The following PACSIN3 variants were observed in gnomAD, a reference collection of about 807,000 sequenced individuals.
PACSIN3 encodes the protein protein kinase C and casein kinase substrate in neurons 3.
A neutral mutation model predicts 56.1 loss-of-function variants in PACSIN3; 34 were observed. The observed-to-expected ratio is 0.61, with a 90% CI of 0.46 to 0.81. PACSIN3 has a LOEUF of 0.81. PACSIN3 is among the 30% of genes least tolerant of loss of function. The probability of loss-of-function intolerance (pLI) is 0.00; values close to 1 mark genes in which losing one functional copy is unlikely to be tolerated. For synonymous variants in PACSIN3, 218 were observed against 229.8 expected, an observed-to-expected ratio of 0.95 and a Z score of 0.46; for missense variants, 535 against 592.4, an observed-to-expected ratio of 0.90 and a Z score of 1.01.
Position 47,180,109 on chromosome 11 carries a change from A to T in PACSIN3, c.603+77T>A, listed in dbSNP as rs908437346. On this transcript the variant is annotated intron_variant, in intron 6 of 10. Transcript: ENST00000298838. ...GTAATAAGGGTGCTGGGGACTGGAC[A>T]AGATGTTCAGGGAGCAAGATTCATT... The T allele has an allele frequency of 3.6e-6, 5 of 1,370,276 alleles. No individual in the cohort carries two copies. The Admixed American group carries it at 5.2e-5, about 14-fold the overall frequency. 84.9% of individuals were successfully genotyped at this position (1,370,276 alleles called of 1,614,324 possible). A position where few individuals can be genotyped will look rare whatever the true frequency, so the allele number is the denominator to read the frequency against.
At position 47,182,693 on chromosome 11, in the gene PACSIN3, A is replaced by G; in HGVS notation, c.35T>C (p.Leu12Ser). The G allele has an allele frequency of 6.2e-7, 1 of 1,612,580 alleles. No homozygotes were observed. Among genetic ancestry groups the G allele is most frequent in the Non-Finnish European group, 8.5e-7 (1 of 1,179,266 alleles). The change falls in exon 3 of 11, where the codon TTA becomes TCA. Residue 12 changes from leucine to serine, a missense_variant. By Grantham distance (145) the Leu-to-Ser change is moderately radical (BLOSUM62 -2). Transcript: ENST00000298838. ...GCTCACCTCCCAGAAACTGCCCCCT[A>G]AGGCCTCCCCTCCAGCGTCCTCTTC... ...APEEDAGGEA[L>S]GGSFWEAGNY... is the part of the protein sequence containing the mutation.
Position 47,178,911 on chromosome 11 carries a change from C to G in PACSIN3, c.1020G>C (p.Gln340His). The G allele has an allele frequency of 6.2e-7, 1 of 1,613,942 alleles. No individual in the cohort carries two copies. Among genetic ancestry groups the G allele is most frequent in the Non-Finnish European group, 8.5e-7 (1 of 1,180,014 alleles). Residue 340 changes from glutamine to histidine, a missense_variant, in exon 9 of 11, where the codon CAG becomes CAC. By Grantham distance (24) the Gln-to-His change is conservative. Coordinates refer to ENST00000298838, the MANE Select transcript of PACSIN3 (RefSeq NM_016223.5). This position sits in a 1 kb window ranked among gnomAD's most constrained non-coding sequence, Gnocchi z 4.2. ...GCTCTCACCCTGGGGACCCCGGGGA[C>G]TGGGGTGGGGGTGCGGTGCCATCTC... ...PTRDGTAPPP[Q>H]SPGSPGTGQD...
rs761611946 is a variant in PACSIN3 at position 47,177,697 on chromosome 11, C to G, written c.*234G>C. The G allele has an allele frequency of 1.8e-6, 1 of 553,392 alleles. No homozygotes were observed. The highest frequency in any genetic ancestry group is 3.1e-5 in the East Asian group (1 of 32,370). The allele number at this position is 553,392 out of a possible 1,614,324, so 34.3% of individuals were successfully genotyped here. ...CTGGGGAGGCCCAGGCACCCCTGAA[C>G]GCTTCTGTCACCTCTGACCTCCCAT... On this transcript the variant is annotated 3_prime_UTR_variant, in exon 11 of 11. Coordinates refer to ENST00000298838, the MANE Select transcript of PACSIN3 (RefSeq NM_016223.5).
chr11:47,178,074 A>G lies in PACSIN3; in HGVS notation c.1160-28T>C. On this transcript the variant is annotated intron_variant, in intron 10 of 10. Transcript: ENST00000298838. The surrounding 1 kb of genome is among the most constrained non-coding windows in gnomAD (Gnocchi z 4.2). ...GGGGGAAAGGGGATTGGTCACTGCC[A>G]GTGGCCCTGGCCCAGGCCCTGTTCC... 6.3e-7 allele frequency: 1 copy of G among 1,585,256 alleles called. No individual in the cohort carries two copies. The highest frequency in any genetic ancestry group is 8.6e-7 in the Non-Finnish European group (1 of 1,156,214).
In PACSIN3 at chr11:47,177,547, T is replaced by TGC. The variant is rs1952901614; in HGVS notation, c.*383_*384insGC. 1.4e-5 allele frequency: 3 copies of TGC among 217,184 alleles called. No individual in the cohort carries two copies. Among genetic ancestry groups the TGC allele is most frequent in the Non-Finnish European group, 2.7e-5 (3 of 109,870 alleles). The allele number at this position is 217,184 out of a possible 1,614,324, so 13.5% of individuals were successfully genotyped here. A position where few individuals can be genotyped will look rare whatever the true frequency, so the allele number is the denominator to read the frequency against. ...TGGTGTTTTTGTTTTTGTGTGTGGGTGTGTGTCAAGTTTTAATACACGCTA... is the reference window on the plus strand; with the variant it reads ...TGGTGTTTTTGTTTTTGTGTGTGGGTGCGTGTGTCAAGTTTTAATACACGCTA... On this transcript the variant is annotated 3_prime_UTR_variant, in exon 11 of 11. Coordinates refer to ENST00000298838, the MANE Select transcript of PACSIN3 (RefSeq NM_016223.5).
At chr11:47,181,502 T>C (rs1953023488) in intron 4 of PACSIN3, among the ~76,000 whole-genome samples, 1 of 151,838 alleles carries the variant, frequency 6.6e-6, no homozygotes, top group African/African-American at 2.4e-5. Context: ...AGAAAATGCA[T>C]AAAACAGGCC....
In PACSIN3 at chr11:47,182,763, G is replaced by A. The variant is rs568596069; in HGVS notation, c.-36C>T. 4.4e-6 allele frequency: 7 copies of A among 1,589,790 alleles called. No individual in the cohort carries two copies. Among genetic ancestry groups the A allele is most frequent in the Middle Eastern group, 1.7e-4 (1 of 5,898 alleles). On this transcript the variant is annotated splice_region_variant and 5_prime_UTR_variant, in exon 3 of 11. Coordinates refer to ENST00000298838, the MANE Select transcript of PACSIN3 (RefSeq NM_016223.5). ...CAGCACGGAATGGTGGCGGATTTGG[G>A]GCTGTGGAGGGCAGAGGGGTAAGCA...
Position 47,179,156 on chromosome 11 carries a change from T to C in PACSIN3, c.900+3A>G, listed in dbSNP as rs1952962879. On this transcript the variant is annotated splice_donor_region_variant and intron_variant, in intron 8 of 10. Transcript: ENST00000298838. This position sits in a 1 kb window ranked among gnomAD's most constrained non-coding sequence, Gnocchi z 4.4. ...CCATCCCCACCCCGCCTGGAACACA[T>C]GCCTCGAACTGTGGCCAGTTCATGG... The C allele has an allele frequency of 6.2e-7, 1 of 1,613,440 alleles. No individual in the cohort carries two copies. The highest frequency in any genetic ancestry group is 1.3e-5 in the African/African-American group (1 of 74,926).
chr11:47,181,960 C>G (rs1052171027), intron 4 of PACSIN3, among the ~76,000 whole-genome samples: 1 of 152,030 alleles, frequency 6.6e-6, no homozygotes, highest in African/African-American at 2.4e-5. Context: ...TGAGACCAGC[C>G]TGGCCAACAT....
chr11:47,181,089 T>C (rs951902392), intron 4 of PACSIN3, among the ~76,000 whole-genome samples: 3 of 151,790 alleles, frequency 2.0e-5, no homozygotes, highest in African/African-American at 4.9e-5. Flanking sequence ...GGTGAAACCC[T>C]GTCTCTACTA....
Position 47,186,400 on chromosome 11 carries a change from C to T in PACSIN3, c.-155G>A, listed in dbSNP as rs1475467773. 1.3e-5 allele frequency: 2 copies of T among 151,128 alleles called. No homozygotes were observed. The highest frequency in any genetic ancestry group is 2.1e-4 in the South Asian group (1 of 4,830). 9.4% of individuals were successfully genotyped at this position (151,128 alleles called of 1,614,324 possible). On this transcript the variant is annotated 5_prime_UTR_variant, in exon 1 of 11. Transcript: ENST00000298838. This position sits in a 1 kb window ranked among gnomAD's most constrained non-coding sequence, Gnocchi z 4.5. Reference sequence around the variant, plus strand: ...GTGGGGGTCCGGCCACGCTCCGGCCCGAGTCCTGCCGCTCCTGGGCCCGCG... The same window carrying T: ...GTGGGGGTCCGGCCACGCTCCGGCCTGAGTCCTGCCGCTCCTGGGCCCGCG...
Position 47,179,852 on chromosome 11 carries a change from G to A in PACSIN3, c.604-266C>T, listed in dbSNP as rs1952982056. On this transcript the variant is annotated intron_variant, in intron 6 of 10. Transcript: ENST00000298838. The surrounding 1 kb of genome is among the most constrained non-coding windows in gnomAD (Gnocchi z 4.4). Reference sequence around the variant, plus strand: ...GGGAGAAATCAGAAAAGGCTTCCTGGAGGAGGTGGAAACTGCAGCATCTCA... The same window carrying A: ...GGGAGAAATCAGAAAAGGCTTCCTGAAGGAGGTGGAAACTGCAGCATCTCA... 2 of 561,394 alleles carry A rather than the reference G, an allele frequency of 3.6e-6. No homozygotes were observed. The highest frequency in any genetic ancestry group is 6.3e-6 in the Non-Finnish European group (2 of 317,616). 34.8% of individuals were successfully genotyped at this position (561,394 alleles called of 1,614,324 possible).
Position 47,179,710 on chromosome 11 carries a change from C to A in PACSIN3, c.604-124G>T. ...GCTAGCCACTAGGGGCAATCAGTCC[C>A]AAGACCCAGCTCCTGCCCTCAAGGA... On this transcript the variant is annotated intron_variant, in intron 6 of 10. Transcript: ENST00000298838. This position sits in a 1 kb window ranked among gnomAD's most constrained non-coding sequence, Gnocchi z 4.4. The A allele has an allele frequency of 1.2e-6, 1 of 852,616 alleles. No homozygotes were observed. 52.8% of individuals were successfully genotyped at this position (852,616 alleles called of 1,614,324 possible).
In PACSIN3 at chr11:47,178,287, G is replaced by A. The variant is rs1185836948; in HGVS notation, c.1159+79C>T. On this transcript the variant is annotated intron_variant, in intron 10 of 10. Transcript: ENST00000298838. The surrounding 1 kb of genome is among the most constrained non-coding windows in gnomAD (Gnocchi z 4.2). Reference sequence around the variant, plus strand: ...CAGAGGACTGGCCCTTAAGAAGTGGGTATTTGGCTTCCCTTTCTGACACCC... The same window carrying A: ...CAGAGGACTGGCCCTTAAGAAGTGGATATTTGGCTTCCCTTTCTGACACCC... The A allele has an allele frequency of 1.9e-6, 3 of 1,554,514 alleles. No individual in the cohort carries two copies. Among genetic ancestry groups the A allele is most frequent in the Non-Finnish European group, 2.6e-6 (3 of 1,137,922 alleles).
chr11:47,182,386 G>A lies in PACSIN3; in HGVS notation c.211+17C>T, dbSNP rs766393865. The A allele has an allele frequency of 6.3e-7, 1 of 1,586,526 alleles. No individual in the cohort carries two copies. Among genetic ancestry groups the A allele is most frequent in the East Asian group, 2.2e-5 (1 of 44,474 alleles). ...TGCACTCAGCTGCCCTCTGCCCCCT[G>A]CGAGGGCCTGGCTCACCCTTCTCCA... On this transcript the variant is annotated intron_variant, in intron 4 of 10. Coordinates refer to ENST00000298838, the MANE Select transcript of PACSIN3 (RefSeq NM_016223.5).
chr11:47,178,546 T>G lies in PACSIN3; in HGVS notation c.1038-59A>C. 1.3e-6 allele frequency: 2 copies of G among 1,581,934 alleles called. No homozygotes were observed. Among genetic ancestry groups the G allele is most frequent in the Non-Finnish European group, 1.7e-6 (2 of 1,162,632 alleles). On this transcript the variant is annotated intron_variant, in intron 9 of 10. Coordinates refer to ENST00000298838, the MANE Select transcript of PACSIN3 (RefSeq NM_016223.5). This position sits in a 1 kb window ranked among gnomAD's most constrained non-coding sequence, Gnocchi z 4.2. ...TGCAAGGAACACGGGGCTGGAGATC[T>G]CACCCAGGATCAGGGCAAAGGCCTC...
At position 47,177,945 on chromosome 11, in the gene PACSIN3, A is replaced by G. The variant is rs1768791161; in HGVS notation, c.1261T>C (p.Cys421Arg). ...IGLYPANYVECVGA is the reference protein window; with the variant it reads ...IGLYPANYVERVGA The stretch of plus-strand genomic sequence containing the variant: ...TGTCAGGACACTCAGGCGCCCACAC[A>G]CTCCACGTAGTTGGCAGGGTACAGG... Residue 421 changes from cysteine (C) to arginine (R), a missense_variant, in exon 11 of 11, where the codon TGT becomes CGT. Physicochemically the swap from Cys to Arg is radical, Grantham distance 180 (BLOSUM62 -3). Transcript: ENST00000298838. 2 of 1,612,880 alleles carry G rather than the reference A, an allele frequency of 1.2e-6. No individual in the cohort carries two copies. The highest frequency in any genetic ancestry group is 2.7e-5 in the African/African-American group (2 of 74,738).
rs1952980985 is a variant in PACSIN3 at position 47,179,791 on chromosome 11, TGAG to T, written c.604-208_604-206del. 6 of 586,860 alleles carry T rather than the reference TGAG, an allele frequency of 1.0e-5. No individual in the cohort carries two copies. Among genetic ancestry groups the T allele is most frequent in the Non-Finnish European group, 1.8e-5 (6 of 332,688 alleles). The allele number at this position is 586,860 out of a possible 1,614,324, so 36.4% of individuals were successfully genotyped here. ...AGGCACAGCATATAAAAGAGTCTGG[TGAG>T]GATTGAAATGAGGTCAACCTACAGG... On this transcript the variant is annotated intron_variant, in intron 6 of 10. Transcript: ENST00000298838. The surrounding 1 kb of genome is among the most constrained non-coding windows in gnomAD (Gnocchi z 4.4).
intron 3 of PACSIN3, 55 bp downstream of exon 3, chr11:47,182,619 G>GGGGCTC: frequency 1.2e-6 from 2 of 1,603,418 alleles, no homozygotes; most frequent in Non-Finnish European, 1.7e-6. Context: ...GGCTGGGGCT[G>GGGGCTC]TCAGATGGGC....
Sources: gnomAD v4.1 joint callset for allele counts (sites outside exome capture counted in the v4.1 genomes callset) on GRCh38, gnomAD v4.1.1 for gene constraint, Gnocchi (gnomAD v3.1) non-coding constraint, MANE v1.5 for transcripts, NCBI Gene and HGNC (gene_info 2026-07-23, HGNC 2026-07-21) for gene names.